Variants in VWA8 observed in about 807,000 individuals in gnomAD.
The protein encoded by VWA8 is von Willebrand factor A domain containing 8, also known as von Willebrand factor A domain-containing protein 8.
VWA8 carries 221 observed loss-of-function variants against 241.5 expected under a neutral mutation model. The ratio of observed to expected loss-of-function variants is 0.91; its 90% CI spans 0.82 to 1.02. The LOEUF is 1.02. Among genes scored for constraint, VWA8 ranks in the 50% least tolerant of loss-of-function variants. The pLI is 0.00. For missense variants in VWA8, 2,322 were observed against 2,328.7 expected, an observed-to-expected ratio of 1.00 and a Z score of 0.06; for synonymous variants, 852 against 827.1, an observed-to-expected ratio of 1.03 and a Z score of -0.52.
chr13:41,656,272 T>G (rs1396206354), intron 37 of VWA8, among the ~76,000 whole-genome samples: 1 of 152,238 alleles, frequency 6.6e-6, no homozygotes, highest in East Asian at 1.9e-4. Flanking sequence ...TATTTAAGTT[T>G]CAGATTTTCC....
chr13:41,667,183 C>T (rs2137795604), intron 37 of VWA8, among the ~76,000 whole-genome samples: 1 of 152,242 alleles, frequency 6.6e-6, no homozygotes, highest in Middle Eastern at 3.4e-3. Context: ...AACTTAATAT[C>T]CAACTGAGAT....
At position 41,670,944 on chromosome 13, in the gene VWA8, A is replaced by G; in HGVS notation, c.4611+2T>C. On this transcript the variant is annotated splice_donor_variant, in intron 37 of 44. Transcript: ENST00000379310. LOFTEE classifies it high-confidence loss of function. ...AAGAGATAAGGTGAATTCAAATGGT[A>G]CCTGCATATTTCTGTCATCTTGTCC... The G allele has an allele frequency of 1.2e-6, 2 of 1,613,418 alleles. No homozygotes were observed. The highest frequency in any genetic ancestry group is 1.7e-6 in the Non-Finnish European group (2 of 1,179,740).
At chr13:41,884,793 G>A (rs1289992995) in intron 8 of VWA8, among the ~76,000 whole-genome samples, 1 of 152,106 alleles carries the variant, frequency 6.6e-6, no homozygotes, top group Non-Finnish European at 1.5e-5. Context: ...TTTGATAAAA[G>A]TATAAGATTT....
chr13:41,856,259 C>A (rs1442109811), intron 12 of VWA8, among the ~76,000 whole-genome samples: 1 of 152,124 alleles, frequency 6.6e-6, no homozygotes, highest in African/African-American at 2.4e-5. Context: ...TCATTTGAAT[C>A]CGGGAGGCAG....
intron 42 of VWA8, among the ~76,000 whole-genome samples, chr13:41,586,208 G>A (rs1336479828): frequency 1.3e-5 from 2 of 151,830 alleles, no homozygotes; most frequent in African/African-American, 4.8e-5. Flanking sequence ...GGGAGCAAGG[G>A]TGAAGAAAAG....
chr13:41,658,893 T>C (rs2044929642), intron 37 of VWA8, among the ~76,000 whole-genome samples: 1 of 152,232 alleles, frequency 6.6e-6, no homozygotes, highest in Non-Finnish European at 1.5e-5. Context: ...CCTATTCTTA[T>C]ACCTGTATCT....
chr13:41,571,496 C>G (rs907534446), intron 43 of VWA8, among the ~76,000 whole-genome samples: 1 of 152,114 alleles, frequency 6.6e-6, no homozygotes, highest in Non-Finnish European at 1.5e-5. Context: ...TTGCAGGTGC[C>G]CGCCGCCACA....
intron 10 of VWA8, among the ~76,000 whole-genome samples, chr13:41,867,030 T>G (rs888364164): frequency 6.6e-6 from 1 of 152,164 alleles, no homozygotes; most frequent in African/African-American, 2.4e-5. Flanking sequence ...AGTTTGGAAG[T>G]GACAGGATCA....
At chr13:41,724,431 A>G (rs2045416238) in intron 24 of VWA8, among the ~76,000 whole-genome samples, 1 of 152,124 alleles carries the variant, frequency 6.6e-6, no homozygotes, top group Non-Finnish European at 1.5e-5. Flanking sequence ...GAATAATGTA[A>G]GGAGAGGGAA....
At chr13:41,649,682 T>G (rs902734807) in intron 37 of VWA8, among the ~76,000 whole-genome samples, 2 of 152,060 alleles carry the variant, frequency 1.3e-5, no homozygotes, top group Non-Finnish European at 2.9e-5. Flanking sequence ...GGGAGAATGT[T>G]ATTTTTTTCT....
intron 19 of VWA8, among the ~76,000 whole-genome samples, chr13:41,783,445 C>T (rs951656647): frequency 6.6e-6 from 1 of 151,766 alleles, no homozygotes; most frequent in African/African-American, 2.4e-5. Context: ...TGAGGCCAGC[C>T]TGGCCAATAT....
intron 29 of VWA8, among the ~76,000 whole-genome samples, chr13:41,694,394 A>G (rs972761174): frequency 3.3e-5 from 5 of 151,984 alleles, no homozygotes; most frequent in Non-Finnish European, 5.9e-5. Flanking sequence ...TTCTTTCATA[A>G]ACATCACCCT....
intron 19 of VWA8, among the ~76,000 whole-genome samples, chr13:41,778,826 AC>A: frequency 7.1e-6 from 1 of 141,756 alleles, no homozygotes; most frequent in Non-Finnish European, 1.5e-5. Context: ...TTTTTCCAGT[AC>A]GTCACTTTTT....
intron 29 of VWA8, 26 bp from the exon 30 acceptor site, chr13:41,692,998 G>A (rs776855035): frequency 7.5e-7 from 1 of 1,333,302 alleles, no homozygotes; most frequent in Non-Finnish European, 1.0e-6. Context: ...ACAGTGAAAA[G>A]CTCAAGATTT....
At position 41,778,007 on chromosome 13, in the gene VWA8, T is replaced by A; in HGVS notation, c.2327A>T (p.His776Leu). 6.2e-7 allele frequency: 1 copy of A among 1,611,892 alleles called. No homozygotes were observed. The highest frequency in any genetic ancestry group is 8.5e-7 in the Non-Finnish European group (1 of 1,179,346). ...DMLKDFLLGE[H>L]LLLVGNQGVG... The stretch of plus-strand genomic sequence containing the variant: ...CACCTGGTTGCCAACCAATAATAAG[T>A]GTTCTCCAAGGAGAAAGTCTTTCAG... Residue 776 changes from histidine to leucine, a missense_variant, in exon 20 of 45, where the codon CAC becomes CTC. His to Leu is a moderately conservative substitution (Grantham distance 99). Coordinates refer to ENST00000379310, the MANE Select transcript of VWA8 (RefSeq NM_015058.2).
At chr13:41,667,479 C>G (rs61964883) in intron 37 of VWA8, among the ~76,000 whole-genome samples, 1 of 152,052 alleles carries the variant, frequency 6.6e-6, no homozygotes, top group Non-Finnish European at 1.5e-5. Context: ...AAGATTGCAA[C>G]CATTGTTAAA....
intron 21 of VWA8, among the ~76,000 whole-genome samples, chr13:41,760,269 C>G (rs1310209715): frequency 6.6e-6 from 1 of 151,602 alleles, no homozygotes; most frequent in Admixed American, 6.6e-5. Flanking sequence ...GTATAAATCC[C>G]AAAAGGCAGT....
intron 26 of VWA8, among the ~76,000 whole-genome samples, chr13:41,716,644 G>T (rs2045349752): frequency 6.6e-6 from 1 of 152,002 alleles, no homozygotes; most frequent in South Asian, 2.1e-4. Flanking sequence ...TCCTGAGTGT[G>T]GGTATGATCA....
intron 9 of VWA8, among the ~76,000 whole-genome samples, chr13:41,872,785 T>C (rs941974890): frequency 6.6e-6 from 1 of 152,198 alleles, no homozygotes; most frequent in African/African-American, 2.4e-5. Context: ...GACTTGGCAA[T>C]GTGGGCCCTT....
Sources: allele counts gnomAD v4.1 joint callset (sites outside exome capture counted in the v4.1 genomes callset), GRCh38; gene constraint gnomAD v4.1.1; transcripts MANE v1.5; gene names NCBI Gene and HGNC (gene_info 2026-07-23, HGNC 2026-07-21).